Variants in TSHR observed in about 807,000 individuals in gnomAD.
TSHR encodes thyroid stimulating hormone receptor, also known as thyrotropin receptor.
TSHR carries 51 observed loss-of-function variants against 64.1 expected under a neutral mutation model. The observed-to-expected ratio is 0.80, with a 90% CI of 0.64 to 1.01. The LOEUF is 1.01. TSHR is among the 50% of genes least tolerant of loss of function. TSHR has a pLI of 0.00. For synonymous variants in TSHR, 361 were observed against 361.9 expected, an observed-to-expected ratio of 1.00 and a Z score of 0.03; for missense variants, 877 against 942.8, an observed-to-expected ratio of 0.93 and a Z score of 0.91.
intron 7 of TSHR, chr14:81,104,090 C>T (rs955139077): frequency 1.0e-6 from 1 of 985,412 alleles, no homozygotes; most frequent in Non-Finnish European, 1.2e-6. Flanking sequence ...AGTATTTGAA[C>T]AGCTTGTAGG....
At chr14:81,005,188 C>T (rs961211655) in intron 1 of TSHR, among the ~76,000 whole-genome samples, 8 of 148,672 alleles carry the variant, frequency 5.4e-5, no homozygotes, top group African/African-American at 2.0e-4. Context: ...ATGAAGGGGA[C>T]TCAAGCCTTT....
At position 81,047,013 on chromosome 14, in the gene TSHR, A is replaced by G. The variant is rs139602170; in HGVS notation, c.171-15135A>G. 4.4e-3 allele frequency among the ~76,000 whole-genome samples: 663 copies of G among 152,332 alleles called. 8 individuals are homozygous for G. The highest frequency in any genetic ancestry group is 0.015 in the African/African-American group (640 of 41,572). On this transcript the variant is annotated intron_variant, in intron 1 of 9. Transcript: ENST00000298171. Reference sequence around the variant, plus strand: ...AAAAATACTTCCTCAGATAAGCAAAAGTTGAGCGAAGTCATTTCCACCAGA... The same window carrying G: ...AAAAATACTTCCTCAGATAAGCAAAGGTTGAGCGAAGTCATTTCCACCAGA...
At chr14:81,056,108 T>A (rs970103533) in intron 1 of TSHR, among the ~76,000 whole-genome samples, 1 of 152,130 alleles carries the variant, frequency 6.6e-6, no homozygotes, top group Non-Finnish European at 1.5e-5. Flanking sequence ...ATAAGCCTCA[T>A]GAAATCCGAT....
intron 1 of TSHR, chr14:81,013,338 A>G (rs2139781062): frequency 6.6e-6 from 1 of 152,288 alleles, no homozygotes; most frequent in East Asian, 1.9e-4. Context: ...TGTTTTGGTT[A>G]CTGTAGCCTT....
intron 5 of TSHR, among the ~76,000 whole-genome samples, chr14:81,091,490 G>T (rs1888733250): frequency 1.3e-5 from 2 of 152,292 alleles, no homozygotes; most frequent in South Asian, 4.1e-4. Context: ...GTAATTGCAA[G>T]ATATTGAGTC....
At chr14:81,118,839 A>G (rs1890651857) in intron 8 of TSHR, among the ~76,000 whole-genome samples, 1 of 150,762 alleles carries the variant, frequency 6.6e-6, no homozygotes, top group Non-Finnish European at 1.5e-5. Context: ...GATATAGATC[A>G]ATGGAACAGA....
At chr14:81,041,563 A>G (rs1040880033) in intron 1 of TSHR, among the ~76,000 whole-genome samples, 4 of 152,104 alleles carry the variant, frequency 2.6e-5, no homozygotes, top group African/African-American at 9.7e-5. Flanking sequence ...AAAACAACTA[A>G]TGGATATTAG....
chr14:81,042,029 G>T (rs1884946742), intron 1 of TSHR, among the ~76,000 whole-genome samples: 1 of 151,998 alleles, frequency 6.6e-6, no homozygotes, highest in African/African-American at 2.4e-5. Context: ...ATGGCCAACA[G>T]GTATATGAAA....
intron 8 of TSHR, among the ~76,000 whole-genome samples, chr14:81,119,742 C>A (rs1435059858): frequency 1.7e-5 from 2 of 119,506 alleles, no homozygotes; most frequent in African/African-American, 7.6e-5. Context: ...ATGTTTATTG[C>A]GGCACTATTC....
In TSHR at chr14:81,003,302, C is replaced by T. The variant is rs1171500629; in HGVS notation, c.170+47452C>T. On this transcript the variant is annotated intron_variant, in intron 1 of 9. Coordinates refer to ENST00000298171, the MANE Select transcript of TSHR (RefSeq NM_000369.5). ...GTACACATGCTCCTTAGAAAAATCT[C>T]ATCCAATTTAAAGTGTCAGCTATCA... The T allele has an allele frequency of 5.9e-5, 9 of 152,206 alleles. 1 individual carries two copies. The highest frequency in any genetic ancestry group is 5.9e-4 in the Admixed American group (9 of 15,272). 9.4% of individuals were successfully genotyped at this position (152,206 alleles called of 1,614,324 possible).
At chr14:81,135,201 T>A (rs888044367) in intron 8 of TSHR, among the ~76,000 whole-genome samples, 1 of 152,020 alleles carries the variant, frequency 6.6e-6, no homozygotes, top group African/African-American at 2.4e-5. Flanking sequence ...TACTTGAAAA[T>A]GTGCTCTAGG....
chr14:81,062,844 C>T (rs904459836), intron 2 of TSHR, among the ~76,000 whole-genome samples: 2 of 152,074 alleles, frequency 1.3e-5, no homozygotes, highest in Non-Finnish European at 2.9e-5. Context: ...TTCAGGCATG[C>T]GAAATAATAT....
chr14:81,097,680 C>A (rs1223160268), intron 7 of TSHR, among the ~76,000 whole-genome samples: 3 of 152,082 alleles, frequency 2.0e-5, no homozygotes, highest in Non-Finnish European at 4.4e-5. Context: ...GGTTGATGTT[C>A]TGGTTTAGGG....
At chr14:81,014,425 T>C (rs1042676361) in intron 1 of TSHR, 3 of 151,996 alleles carry the variant, frequency 2.0e-5, no homozygotes, top group Non-Finnish European at 4.4e-5. Flanking sequence ...TAAAAGAAAA[T>C]GAATGAGATA....
At position 81,143,837 on chromosome 14, in the gene TSHR, C is replaced by A; in HGVS notation, c.1779C>A (p.Ala593=). The change falls in exon 10 of 10, where the codon GCC becomes GCA. Residue 593 remains alanine (A), a synonymous_variant. Transcript: ENST00000298171. ...TTGTTCTGACGCTCAACATAGTTGC[C>A]TTCGTCATCGTCTGCTGCTGTTATG... The part of the protein sequence containing the change: ...IVFVLTLNIV[A]FVIVCCCYVK... The A allele has an allele frequency of 6.2e-7, 1 of 1,614,114 alleles. No individual in the cohort carries two copies. The highest frequency in any genetic ancestry group is 8.5e-7 in the Non-Finnish European group (1 of 1,180,030).
intron 1 of TSHR, among the ~76,000 whole-genome samples, chr14:81,025,760 G>A (rs968772172): frequency 6.6e-6 from 1 of 152,014 alleles, no homozygotes; most frequent in Non-Finnish European, 1.5e-5. Flanking sequence ...CTGCTTTCTG[G>A]AAAAAAGCCA....
chr14:81,015,378 C>T (rs549445403), intron 1 of TSHR, among the ~76,000 whole-genome samples: 3 of 152,180 alleles, frequency 2.0e-5, no homozygotes, highest in Non-Finnish European at 2.9e-5. Flanking sequence ...TATTAAATTT[C>T]TAATGCATAA....
At chr14:81,135,053 T>A (rs1264634469) in intron 8 of TSHR, among the ~76,000 whole-genome samples, 2 of 152,212 alleles carry the variant, frequency 1.3e-5, no homozygotes, top group Admixed American at 1.3e-4. Flanking sequence ...GCCTTTAAAA[T>A]TCTGAAGAAA....
At chr14:81,112,943 A>C (rs906394419) in intron 8 of TSHR, among the ~76,000 whole-genome samples, 1 of 152,226 alleles carries the variant, frequency 6.6e-6, no homozygotes, top group African/African-American at 2.4e-5. Context: ...GATAGGGTTG[A>C]GGAGCAACTT....
Sources: allele counts gnomAD v4.1 joint callset (sites outside exome capture counted in the v4.1 genomes callset), GRCh38; gene constraint gnomAD v4.1.1; transcripts MANE v1.5; gene names NCBI Gene and HGNC (gene_info 2026-07-23, HGNC 2026-07-21).